Variants in REDIC1 observed in about 807,000 individuals in gnomAD.
The protein encoded by REDIC1 is HEI10 Interacting Protein 1.
the REDIC1 span, among the ~76,000 whole-genome samples, chr12:39,850,834 T>C: frequency 6.6e-6 from 1 of 152,194 alleles, no homozygotes; most frequent in Non-Finnish European, 1.5e-5. Context: ...GCCATAATAA[T>C]GTATCCATTT....
At chr12:39,879,386 G>T in the REDIC1 span, among the ~76,000 whole-genome samples, 1 of 152,206 alleles carries the variant, frequency 6.6e-6, no homozygotes, top group South Asian at 2.1e-4. Flanking sequence ...AAAGCCATAG[G>T]CATTCAACTT....
At chr12:39,771,036 C>A in the REDIC1 span, among the ~76,000 whole-genome samples, 1 of 152,150 alleles carries the variant, frequency 6.6e-6, no homozygotes, top group Non-Finnish European at 1.5e-5. Flanking sequence ...AGAGAACGTA[C>A]ACAAAGAATT....
the REDIC1 span, chr12:39,721,753 A>C: frequency 6.6e-6 from 1 of 152,226 alleles, no homozygotes; most frequent in Non-Finnish European, 1.5e-5. Flanking sequence ...CTATTTAAAA[A>C]TTCTAGCATT....
chr12:39,703,865 C>T, the REDIC1 span, among the ~76,000 whole-genome samples: 1 of 152,166 alleles, frequency 6.6e-6, no homozygotes. Context: ...GGAAAACTGG[C>T]TAGCCATATG....
At chr12:39,737,917 T>C in the REDIC1 span, among the ~76,000 whole-genome samples, 1 of 152,196 alleles carries the variant, frequency 6.6e-6, no homozygotes, top group Admixed American at 6.5e-5. Context: ...TGAGTGTCCA[T>C]AGAAAGAATC....
the REDIC1 span, chr12:39,647,910 T>C: frequency 1.2e-6 from 2 of 1,607,572 alleles, no homozygotes; most frequent in Non-Finnish European, 1.7e-6. Context: ...ATTTCAAAAC[T>C]AAATTTCACA....
At chr12:39,838,236 C>T in the REDIC1 span, among the ~76,000 whole-genome samples, 2 of 150,392 alleles carry the variant, frequency 1.3e-5, no homozygotes, top group Non-Finnish European at 3.0e-5. Context: ...TAAACTGTCG[C>T]AAGATCAAAA....
the REDIC1 span, among the ~76,000 whole-genome samples, chr12:39,809,108 T>C: frequency 1.3e-5 from 2 of 152,166 alleles, no homozygotes; most frequent in African/African-American, 4.8e-5. Context: ...TTGAGGTCCA[T>C]TCCCTCCACC....
the REDIC1 span, among the ~76,000 whole-genome samples, chr12:39,877,936 G>C: frequency 6.6e-6 from 1 of 152,150 alleles, no homozygotes; most frequent in Non-Finnish European, 1.5e-5. Flanking sequence ...CTCAAGGTTT[G>C]GTGCTAAATC....
chr12:39,853,471 G>GT, the REDIC1 span, among the ~76,000 whole-genome samples: 1 of 151,962 alleles, frequency 6.6e-6, no homozygotes, highest in African/African-American at 2.4e-5. Context: ...TTGTGACAAG[G>GT]TCTTAAAGCA....
At chr12:39,801,318 T>A in the REDIC1 span, among the ~76,000 whole-genome samples, 1 of 115,962 alleles carries the variant, frequency 8.6e-6, no homozygotes. Flanking sequence ...TAAATATTTT[T>A]GAATAAATGA....
chr12:39,742,256 C>G, the REDIC1 span, among the ~76,000 whole-genome samples: 1 of 151,948 alleles, frequency 6.6e-6, no homozygotes, highest in African/African-American at 2.4e-5. Flanking sequence ...AGCAGGATGG[C>G]TTTTTAAAAG....
At chr12:39,784,043 G>A in the REDIC1 span, among the ~76,000 whole-genome samples, 1 of 152,148 alleles carries the variant, frequency 6.6e-6, no homozygotes, top group Non-Finnish European at 1.5e-5. Context: ...TCTTCAAGGA[G>A]AACTACAAAC....
At chr12:39,697,414 A>G in the REDIC1 span, among the ~76,000 whole-genome samples, 2 of 152,274 alleles carry the variant, frequency 1.3e-5, no homozygotes, top group Admixed American at 1.3e-4. Context: ...AGAAGAAATC[A>G]TCTGAAGGTA....
the REDIC1 span, chr12:39,650,287 A>T: frequency 3.1e-6 from 5 of 1,611,966 alleles, no homozygotes; most frequent in Non-Finnish European, 3.4e-6. This position sits in a 1 kb window ranked among gnomAD's most constrained non-coding sequence, Gnocchi z 4.3. Context: ...ATTAAATAAA[A>T]GTCAAGATGT....
chr12:39,713,591 T>C, the REDIC1 span, among the ~76,000 whole-genome samples: 382 of 149,654 alleles, frequency 2.6e-3, 1 homozygote, highest in African/African-American at 8.4e-3. Flanking sequence ...TACACATGTA[T>C]AGATACGTAT....
At chr12:39,626,487 C>A in the REDIC1 span, 1 of 1,226,512 alleles carries the variant, frequency 8.2e-7, no homozygotes, top group Non-Finnish European at 1.2e-6. Flanking sequence ...TTATTGTTAT[C>A]CAAATCGGGT....
At chr12:39,632,315 C>G in the REDIC1 span, among the ~76,000 whole-genome samples, 2 of 152,132 alleles carry the variant, frequency 1.3e-5, no homozygotes, top group Admixed American at 1.3e-4. Flanking sequence ...CCAGGCTGGT[C>G]TTGAACTCCT....
At chr12:39,654,215 G>GT in the REDIC1 span, among the ~76,000 whole-genome samples, 12 of 150,722 alleles carry the variant, frequency 8.0e-5, no homozygotes, top group East Asian at 5.8e-4. Flanking sequence ...TTATGATGTT[G>GT]TTTTTTTTTC....
Sources: allele counts gnomAD v4.1 joint callset (sites outside exome capture counted in the v4.1 genomes callset), GRCh38; gene constraint gnomAD v4.1.1; non-coding constraint Gnocchi (gnomAD v3.1); transcripts MANE v1.5; gene names NCBI Gene and HGNC (gene_info 2026-07-23, HGNC 2026-07-21).